Variants in BRD4 observed in about 807,000 individuals in gnomAD.
The protein encoded by BRD4 is bromodomain-containing protein 4.
A neutral mutation model predicts 142.1 loss-of-function variants in BRD4; 16 were observed. The observed-to-expected ratio is 0.11, with a 90% CI of 0.08 to 0.17. The LOEUF (loss-of-function observed/expected upper bound fraction) is 0.17. BRD4 is among the 10% of genes least tolerant of loss of function. The pLI, the probability that BRD4 is intolerant of heterozygous loss-of-function variation, is 1.00. For missense variants in BRD4, 1,424 were observed against 1,810.9 expected (o/e 0.79, Z 3.88); for synonymous variants, 833 against 707.5 (o/e 1.18, Z -2.82).
At chr19:15,281,966 C>G (rs1368021760) in intron 1 of BRD4, among the ~76,000 whole-genome samples, 1 of 152,110 alleles carries the variant, frequency 6.6e-6, no homozygotes, top group African/African-American at 2.4e-5. Context: ...TGCAGTGAGC[C>G]GAGATTGTGC....
intron 1 of BRD4, among the ~76,000 whole-genome samples, chr19:15,294,855 G>C (rs762856779): frequency 2.6e-5 from 4 of 152,208 alleles, no homozygotes; most frequent in Non-Finnish European, 4.4e-5. Context: ...GTAGCAGGCA[G>C]TCAAGGATAT....
At chr19:15,322,816 G>A (rs1391560397) in intron 1 of BRD4, among the ~76,000 whole-genome samples, 2 of 147,566 alleles carry the variant, frequency 1.4e-5, no homozygotes, top group East Asian at 4.0e-4. Context: ...GCAGTGAGCT[G>A]AGACTGCGCC....
chr19:15,308,036 C>G (rs2047929340), intron 1 of BRD4, among the ~76,000 whole-genome samples: 1 of 148,286 alleles, frequency 6.7e-6, no homozygotes, highest in Non-Finnish European at 1.5e-5. Context: ...ACTGCTTGAA[C>G]CCGGGAAACA....
At chr19:15,287,104 C>T (rs2047745579) in intron 1 of BRD4, among the ~76,000 whole-genome samples, 1 of 152,174 alleles carries the variant, frequency 6.6e-6, no homozygotes, top group African/African-American at 2.4e-5. Context: ...AAAACATTAA[C>T]ATAGCATTAG....
intron 1 of BRD4, among the ~76,000 whole-genome samples, chr19:15,311,710 G>C (rs1231090242): frequency 6.6e-6 from 1 of 152,000 alleles, no homozygotes; most frequent in Non-Finnish European, 1.5e-5. Flanking sequence ...GCTGAGGCAG[G>C]AGAATCACTT....
intron 1 of BRD4, among the ~76,000 whole-genome samples, chr19:15,328,610 G>A (rs767680999): frequency 2.6e-5 from 4 of 152,148 alleles, no homozygotes; most frequent in Non-Finnish European, 5.9e-5. Context: ...TTTAAAGCGG[G>A]ATTATTTGCA....
chr19:15,323,409 C>T (rs1326635470), intron 1 of BRD4, among the ~76,000 whole-genome samples: 1 of 152,124 alleles, frequency 6.6e-6, no homozygotes, highest in African/African-American at 2.4e-5. Context: ...GGTTCCACCT[C>T]CATGTAGTTT....
chr19:15,240,087 T>G lies in BRD4; in HGVS notation c.3170-65A>C. The G allele has an allele frequency of 1.9e-6, 3 of 1,538,854 alleles. No homozygotes were observed. The South Asian group carries it at 3.8e-5, about 19-fold the overall frequency. On this transcript the variant is annotated intron_variant, in intron 14 of 19. Transcript: ENST00000679869. ...AGAACTGCTGGCCCTGAGAGAATTG[T>G]CGGGAAGGAAAACGTGGGCTGTATG...
chr19:15,286,857 C>A (rs1262640299), intron 1 of BRD4, among the ~76,000 whole-genome samples: 5 of 152,148 alleles, frequency 3.3e-5, no homozygotes, highest in Non-Finnish European at 5.9e-5. Context: ...TTTTTTGATG[C>A]TCAAGAGCCA....
chr19:15,280,733 C>T (rs1026494423), intron 1 of BRD4, among the ~76,000 whole-genome samples: 2 of 152,180 alleles, frequency 1.3e-5, no homozygotes, highest in African/African-American at 4.8e-5. Context: ...TTCACAGTCA[C>T]ACATACCCTT....
chr19:15,318,646 A>T (rs1169728271), intron 1 of BRD4, among the ~76,000 whole-genome samples: 1 of 152,212 alleles, frequency 6.6e-6, no homozygotes, highest in African/African-American at 2.4e-5. Context: ...AAATCTTGTA[A>T]GCCTACCCAC....
At chr19:15,260,975 CA>C (rs1376645526) in intron 7 of BRD4, among the ~76,000 whole-genome samples, 3 of 152,152 alleles carry the variant, frequency 2.0e-5, no homozygotes, top group African/African-American at 7.2e-5. Flanking sequence ...TAAAGTAGCT[CA>C]AAACAGTCAC....
intron 1 of BRD4, among the ~76,000 whole-genome samples, chr19:15,309,108 G>A (rs561136014): frequency 4.0e-5 from 6 of 151,670 alleles, no homozygotes; most frequent in South Asian, 2.1e-4. Flanking sequence ...AGGCTGAGGC[G>A]AGCAGATCAC....
In BRD4 at chr19:15,287,777, C is replaced by CT. The variant is rs57365607; in HGVS notation, c.-34-14645dup. On this transcript the variant is annotated intron_variant, in intron 1 of 19. Coordinates refer to ENST00000679869, the MANE Select transcript of BRD4 (RefSeq NM_001379291.1). Reference sequence around the variant, plus strand: ...TCCACATTGTAGCACCTCTGAATTTCTTTTTTTTTTTTGAGACAGTCTCCC... The same window carrying CT: ...TCCACATTGTAGCACCTCTGAATTTCTTTTTTTTTTTTTGAGACAGTCTCCC... Among the ~76,000 whole-genome samples the CT allele has an allele frequency of 1.3e-3, 190 of 145,770 alleles. 1 individual carries two copies. The highest frequency in any genetic ancestry group is 6.9e-3 in the Middle Eastern group (2 of 290).
chr19:15,248,712 C>T, intron 11 of BRD4: 1 of 226,946 alleles, frequency 4.4e-6, no homozygotes. Context: ...GGAAGAGCCT[C>T]ACTGAGCCTT....
At chr19:15,267,615 C>A (rs1009103872) in intron 3 of BRD4, 64 bp from the exon 4 acceptor site, 3 of 1,535,748 alleles carry the variant, frequency 2.0e-6, no homozygotes, top group East Asian at 2.3e-5. Flanking sequence ...GTAGACAGGG[C>A]ACCCCATGCC....
At chr19:15,261,623 A>G (rs1193326875) in intron 7 of BRD4, among the ~76,000 whole-genome samples, 1 of 152,206 alleles carries the variant, frequency 6.6e-6, no homozygotes, top group Non-Finnish European at 1.5e-5. Flanking sequence ...AGAGGGCAAC[A>G]ATTCCCCAAG....
intron 11 of BRD4, among the ~76,000 whole-genome samples, chr19:15,250,487 A>C (rs2047332443): frequency 6.6e-6 from 1 of 152,154 alleles, no homozygotes; most frequent in Non-Finnish European, 1.5e-5. Context: ...CCAAAACATC[A>C]AGCATTCCTT....
intron 1 of BRD4, among the ~76,000 whole-genome samples, chr19:15,277,507 C>T (rs1477071963): frequency 1.3e-5 from 2 of 151,796 alleles, no homozygotes; most frequent in East Asian, 3.9e-4. Context: ...ATTGTCCAGG[C>T]ACAGTGGCTC....
Sources: allele counts gnomAD v4.1 joint callset (sites outside exome capture counted in the v4.1 genomes callset), GRCh38; gene constraint gnomAD v4.1.1; transcripts MANE v1.5; gene names NCBI Gene and HGNC (gene_info 2026-07-23, HGNC 2026-07-21).